CDRT4: variants seen among roughly 807,000 people sequenced by gnomAD.
The protein encoded by CDRT4 is CMT1A duplicated region transcript 4 protein.
For synonymous variants in CDRT4, 64 were observed against 69.6 expected, an observed-to-expected ratio of 0.92 and a Z score of 0.40; for missense variants, 167 against 193.1, an observed-to-expected ratio of 0.87 and a Z score of 0.80.
At chr17:15,441,192 A>G (rs182642367) in intron 2 of CDRT4, among the ~76,000 whole-genome samples, 11 of 152,328 alleles carry the variant, frequency 7.2e-5, no homozygotes, top group African/African-American at 2.4e-4. Flanking sequence ...AAAGAGTCTC[A>G]GATAATTCTG....
At chr17:15,443,759 C>G (rs1978885585) in intron 2 of CDRT4, 1 of 500,466 alleles carries the variant, frequency 2.0e-6, no homozygotes. Flanking sequence ...AGTGTAGAAC[C>G]CAGTCTTCTC....
At chr17:15,448,201 T>C (rs954469706) in intron 2 of CDRT4, among the ~76,000 whole-genome samples, 4 of 152,166 alleles carry the variant, frequency 2.6e-5, no homozygotes, top group African/African-American at 7.2e-5. Flanking sequence ...CAGGCCAGTG[T>C]TGTTTTGAAG....
intron 1 of CDRT4, among the ~76,000 whole-genome samples, chr17:15,458,486 G>A (rs1336633132): frequency 6.6e-6 from 1 of 152,098 alleles, no homozygotes; most frequent in Non-Finnish European, 1.5e-5. Context: ...TTGGCCACCA[G>A]AAGCTCTGAG....
intron 3 of CDRT4, among the ~76,000 whole-genome samples, chr17:15,438,586 T>C (rs1306287251): frequency 6.6e-6 from 1 of 152,230 alleles, no homozygotes; most frequent in East Asian, 1.9e-4. Flanking sequence ...CTTGAAAGCA[T>C]GGGTTCTGTA....
In CDRT4 at chr17:15,453,891, T is replaced by C. The variant is rs115128368; in HGVS notation, c.-129-806A>G. 3.3e-3 allele frequency among the ~76,000 whole-genome samples: 497 copies of C among 152,228 alleles called. 2 individuals are homozygous for C. The highest frequency in any genetic ancestry group is 0.011 in the African/African-American group (472 of 41,536). On this transcript the variant is annotated intron_variant, in intron 1 of 3. Transcript: ENST00000619038. ...AAGAGAAACTATCCTTGGAGTGCCA[T>C]GAGGATTTCATGAGATAATTCATAT...
At chr17:15,440,486 G>A (rs1311308766) in intron 2 of CDRT4, among the ~76,000 whole-genome samples, 2 of 152,124 alleles carry the variant, frequency 1.3e-5, no homozygotes, top group Admixed American at 1.3e-4. Flanking sequence ...GCATGGCCTT[G>A]CTCAAGAGCT....
At chr17:15,455,072 C>T (rs1195116715) in intron 1 of CDRT4, among the ~76,000 whole-genome samples, 1 of 151,994 alleles carries the variant, frequency 6.6e-6, no homozygotes, top group Non-Finnish European at 1.5e-5. Context: ...ACTAGATGAA[C>T]TCTAGAGAGA....
chr17:15,448,993 G>A (rs1979149631), intron 2 of CDRT4, among the ~76,000 whole-genome samples: 1 of 152,148 alleles, frequency 6.6e-6, no homozygotes, highest in Admixed American at 6.5e-5. Context: ...TCTGTGATCA[G>A]GCCACTGTTC....
rs184570389 is a variant in CDRT4, at chr17:15,438,005, G to C, written c.227C>G (p.Pro76Arg). The change falls in exon 4 of 4, where the codon CCG (proline) becomes CGG (arginine). Residue 76 changes from proline (P) to arginine (R), a missense_variant. Transcript: ENST00000619038. ...AGACTTGGAAGACTTCCTCCTTTTC[G>C]GCTGAATGACGCTGGAAGGTTTATT... Reference protein sequence around the residue: ...RQNKPSSVIQPKRRKSSKSSG... With the variant: ...RQNKPSSVIQRKRRKSSKSSG... The C allele has an allele frequency of 1.9e-6, 3 of 1,613,972 alleles. No individual in the cohort carries two copies. Among genetic ancestry groups the C allele is most frequent in the African/African-American group, 1.3e-5 (1 of 74,902 alleles).
chr17:15,461,070 T>G (rs1277044572), intron 1 of CDRT4, among the ~76,000 whole-genome samples: 1 of 152,202 alleles, frequency 6.6e-6, no homozygotes, highest in Non-Finnish European at 1.5e-5. Flanking sequence ...TACTCTAAAC[T>G]AGCCACTCAA....
chr17:15,453,160 T>C (rs1979337402), intron 1 of CDRT4, 75 bp from the exon 2 acceptor site: 1 of 152,178 alleles, frequency 6.6e-6, no homozygotes, highest in South Asian at 2.1e-4. Flanking sequence ...GATTTGGGAG[T>C]GGAGGGAGAA....
At position 15,465,268 on chromosome 17, in the gene CDRT4, ACAC is replaced by A. The variant is rs951132196; in HGVS notation, c.-130+2189_-130+2191del. Among the ~76,000 whole-genome samples the A allele has an allele frequency of 2.1e-5, 3 of 139,684 alleles. 1 individual carries two copies. Among genetic ancestry groups the A allele is most frequent in the African/African-American group, 8.6e-5 (3 of 34,742 alleles). The allele number at this position is 139,684 out of a possible 152,430, so 91.6% of individuals were successfully genotyped here. On this transcript the variant is annotated intron_variant, in intron 1 of 3. Coordinates refer to ENST00000619038, the MANE Select transcript of CDRT4 (RefSeq NM_001204477.2). ...ACACACACCAACACACACAACACAC[ACAC>A]CAACACAAACACACACCAACACCAG...
At chr17:15,458,812 T>C (rs1347561954) in intron 1 of CDRT4, among the ~76,000 whole-genome samples, 3 of 152,042 alleles carry the variant, frequency 2.0e-5, no homozygotes, top group Non-Finnish European at 4.4e-5. Context: ...CAAGGGGTGG[T>C]TCTGGGATCA....
chr17:15,460,891 C>T (rs1340157051), intron 1 of CDRT4, among the ~76,000 whole-genome samples: 1 of 151,948 alleles, frequency 6.6e-6, no homozygotes, highest in African/African-American at 2.4e-5. Context: ...GCCTTCCCCA[C>T]CGCCAACCAC....
chr17:15,448,159 C>T (rs1979109291), intron 2 of CDRT4, among the ~76,000 whole-genome samples: 1 of 152,196 alleles, frequency 6.6e-6, no homozygotes, highest in Admixed American at 6.5e-5. Flanking sequence ...GGCCAAGCCA[C>T]CCCTTTTCAA....
At chr17:15,457,092 C>T (rs1390143825) in intron 1 of CDRT4, among the ~76,000 whole-genome samples, 1 of 152,116 alleles carries the variant, frequency 6.6e-6, no homozygotes, top group Non-Finnish European at 1.5e-5. Context: ...CTCTGTACCT[C>T]GGTTTCCTCC....
intron 2 of CDRT4, among the ~76,000 whole-genome samples, chr17:15,445,610 G>T (rs1978989801): frequency 6.6e-6 from 1 of 152,140 alleles, no homozygotes. Context: ...AAGCCTCAGA[G>T]AATGTTATGG....
intron 1 of CDRT4, among the ~76,000 whole-genome samples, chr17:15,461,292 C>T (rs1480386488): frequency 6.6e-6 from 1 of 152,202 alleles, no homozygotes; most frequent in Non-Finnish European, 1.5e-5. Context: ...ATAGGGATAG[C>T]AAGGCGAAGG....
intron 2 of CDRT4, among the ~76,000 whole-genome samples, chr17:15,446,379 C>T (rs1445578345): frequency 6.6e-6 from 1 of 152,040 alleles, no homozygotes; most frequent in African/African-American, 2.4e-5. Context: ...AAGAAGATGA[C>T]CATTTCTTGT....
Sources: gnomAD v4.1 joint callset for allele counts (sites outside exome capture counted in the v4.1 genomes callset) on GRCh38, gnomAD v4.1.1 for gene constraint, MANE v1.5 for transcripts, NCBI Gene and HGNC (gene_info 2026-07-23, HGNC 2026-07-21) for gene names.